Variants in DOCK8 observed in about 807,000 individuals in gnomAD.
The protein encoded by DOCK8 is dedicator of cytokinesis 8.
Under a neutral mutation model 245.6 loss-of-function variants are expected in DOCK8, and 141 were observed. That is an observed-to-expected ratio of 0.57 (90% CI 0.50 to 0.66). The LOEUF (loss-of-function observed/expected upper bound fraction) is 0.66. Among genes scored for constraint, DOCK8 ranks in the 30% least tolerant of loss-of-function variants. The pLI, the probability that DOCK8 is intolerant of heterozygous loss-of-function variation, is 0.00. For missense variants in DOCK8, 2,965 were observed against 2,603.4 expected, an observed-to-expected ratio of 1.14 and a Z score of -3.02; for synonymous variants, 1,168 against 970.2, an observed-to-expected ratio of 1.20 and a Z score of -3.79.
intron 24 of DOCK8, 124 bp from the exon 25 acceptor site, chr9:396,661 G>C: frequency 7.4e-7 from 1 of 1,355,802 alleles, no homozygotes; most frequent in Non-Finnish European, 1.1e-6. Flanking sequence ...GGCACCACCA[G>C]CACAGATAAA....
intron 4 of DOCK8, among the ~76,000 whole-genome samples, chr9:303,991 C>T (rs892387899): frequency 1.3e-5 from 2 of 152,196 alleles, no homozygotes; most frequent in African/African-American, 4.8e-5. Context: ...TGGTCTGTCT[C>T]ATTTCTTCAG....
At chr9:230,812 G>C (rs564817731) in intron 1 of DOCK8, among the ~76,000 whole-genome samples, 1 of 152,238 alleles carries the variant, frequency 6.6e-6, no homozygotes, top group South Asian at 2.1e-4. Context: ...CCCTTTGTCA[G>C]ATGAGTAGGT....
chr9:356,909 G>T (rs909022933), intron 14 of DOCK8, among the ~76,000 whole-genome samples: 2 of 152,082 alleles, frequency 1.3e-5, no homozygotes, highest in East Asian at 1.9e-4. Flanking sequence ...ATCGGGGAGA[G>T]AATTTTTTTT....
At chr9:412,404 CAAAAAA>C (rs59340573) in intron 28 of DOCK8, among the ~76,000 whole-genome samples, 9 of 100,796 alleles carry the variant, frequency 8.9e-5, no homozygotes, top group South Asian at 6.5e-4. Flanking sequence ...GACCCTGTCT[CAAAAAA>C]AAAAAAAAAA....
chr9:235,157 G>T (rs1378840925), intron 1 of DOCK8, among the ~76,000 whole-genome samples: 6 of 152,184 alleles, frequency 3.9e-5, no homozygotes, highest in Non-Finnish European at 8.8e-5. Context: ...TTTGCTAGAG[G>T]TCCACTCCAG....
chr9:326,350 A>G (rs919975878), intron 8 of DOCK8, among the ~76,000 whole-genome samples: 9 of 152,230 alleles, frequency 5.9e-5, no homozygotes, highest in Admixed American at 1.3e-4. Flanking sequence ...AAATATTAAT[A>G]ATCACTGAGA....
At position 404,986 on chromosome 9, in the gene DOCK8, T is replaced by C; in HGVS notation, c.3303T>C (p.Cys1101=). 1 of 1,614,078 alleles carries C rather than the reference T, an allele frequency of 6.2e-7. No homozygotes were observed. The highest frequency in any genetic ancestry group is 2.2e-5 in the East Asian group (1 of 44,874). Residue 1101 remains cysteine, a synonymous_variant, in exon 27 of 48, where the codon TGT becomes TGC. Transcript: ENST00000432829. ...GGCTAGAGTTCCTGAGAATCCTCTG[T>C]AGCCATGAGCATTACCTCAATCTGA... The part of the protein sequence containing the change: ...SMRLEFLRIL[C]SHEHYLNLNL...
intron 28 of DOCK8, among the ~76,000 whole-genome samples, chr9:407,540 C>T (rs2055491812): frequency 6.6e-6 from 1 of 152,180 alleles, no homozygotes; most frequent in African/African-American, 2.4e-5. Flanking sequence ...CCAAGAGACA[C>T]CACACATCCA....
At chr9:249,991 C>T (rs931825357) in intron 1 of DOCK8, among the ~76,000 whole-genome samples, 5 of 152,090 alleles carry the variant, frequency 3.3e-5, no homozygotes, top group Non-Finnish European at 7.4e-5. Flanking sequence ...TATAATGTTG[C>T]AGGTAGTCCA....
Position 426,978 on chromosome 9 carries a change from C to G in DOCK8, c.4335C>G (p.Ile1445Met), listed in dbSNP as rs2056527904. The stretch of plus-strand genomic sequence containing the variant: ...TCCTGGATATGCAGGAAAACATTAT[C>G]CAGGTGAGGAAAACAAACACCCAAT... The part of the protein sequence containing the change: ...LIILDMQENI[I>M]QASSALDCKD... Residue 1445 changes from isoleucine (I) to methionine (M), a missense_variant, in exon 34 of 48, where the codon ATC becomes ATG. By Grantham distance (10) the Ile-to-Met change is conservative. Around this residue, in one of 3 missense-constraint regions of DOCK8, gnomAD observed 2,825 missense variants for 2,453.5 expected, o/e 1.15. Transcript: ENST00000432829. 1.2e-6 allele frequency: 2 copies of G among 1,613,296 alleles called. No individual in the cohort carries two copies. The highest frequency in any genetic ancestry group is 2.2e-5 in the East Asian group (1 of 44,880).
intron 1 of DOCK8, among the ~76,000 whole-genome samples, chr9:267,559 G>T (rs1334625038): frequency 6.6e-6 from 1 of 152,140 alleles, no homozygotes. Flanking sequence ...AGACAGACCT[G>T]AATGAGGTAG....
In DOCK8 at chr9:364,371, G is replaced by A. The variant is rs1472274807; in HGVS notation, c.1680-3647G>A. On this transcript the variant is annotated intron_variant, in intron 14 of 47. Transcript: ENST00000432829. ...AATGTGGCTGGGCATAGTGACTTGT[G>A]CCTGTAATTCCAGCACTGTGGGAGG... Among the ~76,000 whole-genome samples the A allele has an allele frequency of 1.3e-5, 2 of 152,172 alleles. 1 individual carries two copies. The highest frequency in any genetic ancestry group is 4.1e-4 in the South Asian group (2 of 4,824).
At chr9:355,116 T>C (rs1177205885) in intron 14 of DOCK8, among the ~76,000 whole-genome samples, 1 of 151,642 alleles carries the variant, frequency 6.6e-6, no homozygotes, top group Non-Finnish European at 1.5e-5. Flanking sequence ...GGAGGGCAGG[T>C]TAATTTTGTG....
At chr9:454,437 A>C (rs2057563656) in intron 46 of DOCK8, 2 of 152,234 alleles carry the variant, frequency 1.3e-5, no homozygotes, top group Admixed American at 1.3e-4. Flanking sequence ...AGGGTTCGGT[A>C]CCATCCGCAG....
At chr9:329,557 A>C (rs574963294) in intron 9 of DOCK8, among the ~76,000 whole-genome samples, 1 of 152,356 alleles carries the variant, frequency 6.6e-6, no homozygotes, top group East Asian at 1.9e-4. Flanking sequence ...CTGAAAAGAC[A>C]CTTCTATTGT....
At chr9:324,521 A>T (rs1039090654) in intron 7 of DOCK8, among the ~76,000 whole-genome samples, 1 of 152,124 alleles carries the variant, frequency 6.6e-6, no homozygotes, top group East Asian at 1.9e-4. Context: ...CACCAGGATT[A>T]TGCTTTGGGA....
chr9:388,568 T>G (rs1361355504), intron 23 of DOCK8, among the ~76,000 whole-genome samples: 1 of 151,182 alleles, frequency 6.6e-6, no homozygotes, highest in Non-Finnish European at 1.5e-5. Context: ...TTTTTTTTTT[T>G]GAAACAGAGT....
intron 9 of DOCK8, among the ~76,000 whole-genome samples, chr9:330,473 A>C (rs2050960930): frequency 6.6e-6 from 1 of 152,162 alleles, no homozygotes; most frequent in Non-Finnish European, 1.5e-5. Context: ...CATTCAAAGA[A>C]ATGGGTTCAA....
At chr9:435,399 A>G (rs547139925) in intron 39 of DOCK8, among the ~76,000 whole-genome samples, 6 of 152,320 alleles carry the variant, frequency 3.9e-5, no homozygotes, top group African/African-American at 1.4e-4. Flanking sequence ...GCTGTGAGGC[A>G]GGTAGGTAGG....
Sources: allele counts gnomAD v4.1 joint callset (sites outside exome capture counted in the v4.1 genomes callset), GRCh38; gene constraint gnomAD v4.1.1; regional missense constraint gnomAD v4.1.1; transcripts MANE v1.5; gene names NCBI Gene and HGNC (gene_info 2026-07-23, HGNC 2026-07-21).